The following ZNF75D variants were observed in gnomAD, a reference collection of about 807,000 sequenced individuals.
The protein encoded by ZNF75D is zinc finger protein 75.
A neutral mutation model predicts 33.3 loss-of-function variants in ZNF75D; 33 were observed. The observed-to-expected ratio is 0.99, with a 90% CI of 0.75 to 1.32. The LOEUF (loss-of-function observed/expected upper bound fraction) is 1.32. ZNF75D is among the 40% of genes most tolerant of loss of function. The probability of loss-of-function intolerance (pLI) is 0.00; values close to 1 mark genes in which losing one functional copy is unlikely to be tolerated. For synonymous variants in ZNF75D, 113 were observed against 130.6 expected, an observed-to-expected ratio of 0.87 and a Z score of 0.92; for missense variants, 338 against 367.5, an observed-to-expected ratio of 0.92 and a Z score of 0.66.
chrX:135,278,781 T>C (rs917759971), intron 1 of ZNF75D, among the ~76,000 whole-genome samples: 4 of 112,458 alleles, frequency 3.6e-5, no homozygotes, highest in Non-Finnish European at 7.5e-5. Context: ...GTTTAAGTGA[T>C]GGATTATGTT....
downstream of ZNF75D, among the ~76,000 whole-genome samples, chrX:135,281,051 G>A (rs2083918307): frequency 9.0e-6 from 1 of 111,515 alleles, no homozygotes; most frequent in East Asian, 2.8e-4. Flanking sequence ...CAAGGTTGGG[G>A]AAGTTCTCCT....
intron 1 of ZNF75D, chrX:135,298,627 ATAAT>A (rs1444097747): frequency 8.9e-6 from 1 of 112,156 alleles, no homozygotes; most frequent in African/African-American, 3.2e-5. Context: ...CACAAATCAC[ATAAT>A]TCATTCATTT....
intron 1 of ZNF75D, among the ~76,000 whole-genome samples, chrX:135,306,384 A>T (rs782740934): frequency 2.7e-5 from 3 of 111,378 alleles, no homozygotes; most frequent in Non-Finnish European, 5.7e-5. Flanking sequence ...AATGTCAGCT[A>T]TATCATTTCT....
intron 1 of ZNF75D, among the ~76,000 whole-genome samples, chrX:135,324,508 T>A (rs1556436556): frequency 8.9e-6 from 1 of 112,903 alleles, no homozygotes; most frequent in African/African-American, 3.2e-5. Context: ...ATACTAACTC[T>A]TGTTTGAATT....
At chrX:135,308,718 C>T (rs1195312545) in intron 1 of ZNF75D, among the ~76,000 whole-genome samples, 6 of 111,601 alleles carry the variant, frequency 5.4e-5, no homozygotes, top group Admixed American at 1.9e-4. Flanking sequence ...TTATCAGAGG[C>T]GAGTACAATC....
intron 1 of ZNF75D, among the ~76,000 whole-genome samples, chrX:135,308,731 T>C (rs2084320304): frequency 1.8e-5 from 2 of 111,909 alleles, no homozygotes; most frequent in Admixed American, 9.5e-5. Context: ...GTACAATCTT[T>C]AAATAACTGA....
Position 135,294,058 on chromosome X carries a change from T to C in ZNF75D, c.83A>G (p.Glu28Gly). 8.3e-7 allele frequency: 1 copy of C among 1,210,839 alleles called. No homozygotes were observed. Among genetic ancestry groups the C allele is most frequent in the Non-Finnish European group, 1.1e-6 (1 of 894,473 alleles). Residue 28 changes from glutamate to glycine, a missense_variant, in exon 3 of 7, where the codon GAG (glutamate) becomes GGG (glycine). Transcript: ENST00000370766. ...GTATTTCTTACTCTGACTGGAGTTC[T>C]CTTTCACAGACCCACTAGTCTCCCA... is the stretch of plus-strand genomic sequence containing the variant. The part of the protein sequence containing the change: ...AMWETSGSVK[E>G]NSSQSKKYST...
chrX:135,289,509 G>A (rs1224102073), intron 6 of ZNF75D, among the ~76,000 whole-genome samples: 2 of 110,435 alleles, frequency 1.8e-5, no homozygotes, highest in Non-Finnish European at 3.8e-5. Context: ...CCAGCTACTC[G>A]GGATGCTGAG....
downstream of ZNF75D, among the ~76,000 whole-genome samples, chrX:135,285,474 A>C (rs782007482): frequency 9.8e-5 from 11 of 112,423 alleles, no homozygotes; most frequent in Non-Finnish European, 1.9e-4. Flanking sequence ...GGGCCTAAAA[A>C]CCAGCTAGAA....
At chrX:135,311,142 G>A (rs1045636568) in intron 1 of ZNF75D, among the ~76,000 whole-genome samples, 4 of 112,684 alleles carry the variant, frequency 3.5e-5, no homozygotes, top group Non-Finnish European at 5.6e-5. Flanking sequence ...TATCTGATGA[G>A]AGCAGGGAAA....
chrX:135,268,836 G>A (rs782667400), intron 1 of ZNF75D, among the ~76,000 whole-genome samples: 1 of 111,768 alleles, frequency 8.9e-6, no homozygotes, highest in East Asian at 2.8e-4. Flanking sequence ...CACATTACCT[G>A]ACTTCAGATT....
intron 6 of ZNF75D, among the ~76,000 whole-genome samples, chrX:135,289,136 C>T (rs1410119760): frequency 8.9e-6 from 1 of 112,289 alleles, no homozygotes; most frequent in Non-Finnish European, 1.9e-5. Context: ...GGATTTTCAC[C>T]GTGCTATAGC....
chrX:135,253,694 C>T (rs1556413899), intron 2 of ZNF75D: 2 of 245,867 alleles, frequency 8.1e-6, no homozygotes, highest in East Asian at 5.8e-5. Context: ...TGCAGGGGTG[C>T]TTAGACCCAG....
At position 135,286,248 on chromosome X, in the gene ZNF75D, A is replaced by G. The variant is rs1266942088; in HGVS notation, c.*889T>C. 1 of 112,041 alleles carries G rather than the reference A, an allele frequency of 8.9e-6. No homozygotes were observed. The highest frequency in any genetic ancestry group is 3.3e-5 in the African/African-American group (1 of 30,758). The allele number at this position is 112,041 out of a possible 1,213,427, so 9.2% of individuals were successfully genotyped here. Reference sequence around the variant, plus strand: ...CAGGCATATAGGGTTGTAGTTGATCAGCCATAAAGATGGGGCTCCCTTTAG... The same window carrying G: ...CAGGCATATAGGGTTGTAGTTGATCGGCCATAAAGATGGGGCTCCCTTTAG... On this transcript the variant is annotated 3_prime_UTR_variant, in exon 7 of 7. Coordinates refer to ENST00000370766, the MANE Select transcript of ZNF75D (RefSeq NM_007131.5).
intron 1 of ZNF75D, among the ~76,000 whole-genome samples, chrX:135,266,810 A>G (rs1337625513): frequency 8.9e-6 from 1 of 112,102 alleles, no homozygotes; most frequent in African/African-American, 3.2e-5. Flanking sequence ...ATTTCATCCA[A>G]TGGCTGCAGA....
At chrX:135,248,997 A>G (rs2148456110) in exon 4 of ZNF75D, 1 of 320,103 alleles carries the variant, frequency 3.1e-6, no homozygotes, top group East Asian at 9.9e-5. Flanking sequence ...TGGATTTTCC[A>G]TCCTCCCCAG....
At chrX:135,323,558 T>C (rs2084523399) in intron 1 of ZNF75D, among the ~76,000 whole-genome samples, 1 of 111,834 alleles carries the variant, frequency 8.9e-6, no homozygotes, top group South Asian at 3.7e-4. Flanking sequence ...CATTGAGTTC[T>C]ACAGAATGGG....
intron 1 of ZNF75D, among the ~76,000 whole-genome samples, chrX:135,271,319 C>A (rs1204722016): frequency 8.9e-6 from 1 of 111,961 alleles, no homozygotes; most frequent in Non-Finnish European, 1.9e-5. Context: ...CATAGCATGA[C>A]TAATATGGAT....
At chrX:135,267,922 C>T (rs2083868960) in intron 1 of ZNF75D, among the ~76,000 whole-genome samples, 1 of 109,485 alleles carries the variant, frequency 9.1e-6, no homozygotes, top group African/African-American at 3.3e-5. Flanking sequence ...TCATCATGAA[C>T]AAGTGGGATT....
Sources: allele counts gnomAD v4.1 joint callset (sites outside exome capture counted in the v4.1 genomes callset), GRCh38; gene constraint gnomAD v4.1.1; transcripts MANE v1.5; gene names NCBI Gene and HGNC (gene_info 2026-07-23, HGNC 2026-07-21).